Variants in WDR25 observed in about 807,000 individuals in gnomAD.
The protein encoded by WDR25 is WD repeat-containing protein 25.
Under a neutral mutation model 47.7 loss-of-function variants are expected in WDR25, and 35 were observed. The observed-to-expected ratio is 0.73, with a 90% CI of 0.56 to 0.97. The LOEUF is 0.97. Ranked by LOEUF, WDR25 falls within the 50% of genes least tolerant of loss-of-function variation. The pLI is 0.00. For synonymous variants in WDR25, 248 were observed against 278.9 expected (o/e 0.89, Z 1.10); for missense variants, 634 against 704.7 (o/e 0.90, Z 1.14).
At chr14:100,490,391 C>T (rs1044425955) in intron 4 of WDR25, among the ~76,000 whole-genome samples, 14 of 152,218 alleles carry the variant, frequency 9.2e-5, no homozygotes, top group African/African-American at 2.4e-4. Context: ...GCCAGTTGAA[C>T]GGAGGCTGAG....
At chr14:100,497,183 A>G (rs371877100) in intron 4 of WDR25, among the ~76,000 whole-genome samples, 89 of 152,310 alleles carry the variant, frequency 5.8e-4, no homozygotes, top group African/African-American at 2.1e-3. Flanking sequence ...TGAATGTTCC[A>G]TATGCTCCGT....
At chr14:100,474,616 C>G (rs1035750366) in intron 3 of WDR25, among the ~76,000 whole-genome samples, 2 of 152,174 alleles carry the variant, frequency 1.3e-5, no homozygotes, top group African/African-American at 4.8e-5. Context: ...AACCAACTTA[C>G]TAGTAAAGCA....
chr14:100,403,077 C>G (rs1383391363), intron 2 of WDR25, among the ~76,000 whole-genome samples: 1 of 152,180 alleles, frequency 6.6e-6, no homozygotes, highest in Non-Finnish European at 1.5e-5. Context: ...TAAATTTTCT[C>G]TTATGGATAG....
chr14:100,469,186 T>C (rs996450589), intron 3 of WDR25, among the ~76,000 whole-genome samples: 1 of 152,094 alleles, frequency 6.6e-6, no homozygotes, highest in Non-Finnish European at 1.5e-5. Context: ...TCCTAGGGTC[T>C]GGCAAGAAGG....
rs2030083617 is a variant in WDR25 at position 100,525,619 on chromosome 14, A to T, written c.1102-251A>T. On this transcript the variant is annotated intron_variant, in intron 4 of 6. Coordinates refer to ENST00000402312, the MANE Select transcript of WDR25 (RefSeq NM_001161476.3). The surrounding 1 kb of genome is among the most constrained non-coding windows in gnomAD (Gnocchi z 4.6). ...GGGATCCTGCTGCTCTCAAGGGGTG[A>T]TAGGGATGCCTCTCTGGACCCATGT... is the stretch of plus-strand genomic sequence containing the variant. Among the ~76,000 whole-genome samples the T allele has an allele frequency of 3.3e-5, 5 of 152,224 alleles. No homozygotes were observed. In the South Asian group the frequency reaches 1.0e-3, roughly 32 times the overall value.
chr14:100,459,951 T>TAC (rs1306058429), intron 2 of WDR25, among the ~76,000 whole-genome samples: 26 of 92,284 alleles, frequency 2.8e-4, no homozygotes, highest in African/African-American at 8.3e-4. Flanking sequence ...CACATACACA[T>TAC]ACACACACAT....
At chr14:100,453,923 A>G (rs973426759) in intron 2 of WDR25, among the ~76,000 whole-genome samples, 3 of 152,228 alleles carry the variant, frequency 2.0e-5, no homozygotes, top group African/African-American at 7.2e-5. Context: ...ATTTCTTGGA[A>G]TTCTCTGTAT....
At chr14:100,504,127 C>T (rs1287499926) in intron 4 of WDR25, among the ~76,000 whole-genome samples, 1 of 152,204 alleles carries the variant, frequency 6.6e-6, no homozygotes, top group Non-Finnish European at 1.5e-5. Flanking sequence ...TCCCAGACAT[C>T]CTGTCATTTT....
At chr14:100,470,824 G>A (rs558762892) in intron 3 of WDR25, among the ~76,000 whole-genome samples, 2 of 152,194 alleles carry the variant, frequency 1.3e-5, no homozygotes, top group Non-Finnish European at 2.9e-5. Context: ...GTGGTGTGTT[G>A]GGTGTGTAAA....
At chr14:100,388,639 G>A (rs1269671175) in intron 2 of WDR25, among the ~76,000 whole-genome samples, 1 of 152,152 alleles carries the variant, frequency 6.6e-6, no homozygotes, top group Non-Finnish European at 1.5e-5. Context: ...TGTGAAAGCC[G>A]CGACATTTCT....
At chr14:100,383,802 G>A (rs1254517094) in intron 2 of WDR25, among the ~76,000 whole-genome samples, 3 of 152,364 alleles carry the variant, frequency 2.0e-5, no homozygotes, top group South Asian at 2.1e-4. Context: ...GGGGAGAGAC[G>A]TTTCTGCCCC....
intron 2 of WDR25, among the ~76,000 whole-genome samples, chr14:100,451,845 C>T (rs1027325983): frequency 1.3e-5 from 2 of 152,210 alleles, no homozygotes; most frequent in Non-Finnish European, 2.9e-5. Context: ...TCTCTCATGA[C>T]TAAAGGATAC....
intron 2 of WDR25, among the ~76,000 whole-genome samples, chr14:100,433,696 T>C (rs538567221): frequency 6.6e-6 from 1 of 152,318 alleles, no homozygotes; most frequent in Non-Finnish European, 1.5e-5. Flanking sequence ...TTTGTATCCA[T>C]GTGGACTCAT....
chr14:100,452,258 C>T (rs1171288355), intron 2 of WDR25, among the ~76,000 whole-genome samples: 1 of 152,138 alleles, frequency 6.6e-6, no homozygotes, highest in Non-Finnish European at 1.5e-5. Flanking sequence ...CATTGGGCTT[C>T]TAGTATATGC....
At chr14:100,427,091 T>G (rs1898190527) in intron 2 of WDR25, among the ~76,000 whole-genome samples, 1 of 152,150 alleles carries the variant, frequency 6.6e-6, no homozygotes, top group Admixed American at 6.5e-5. Flanking sequence ...CCCTGCCACC[T>G]TGGGGCCCTC....
Position 100,525,871 on chromosome 14 carries a change from T to C in WDR25, c.1103T>C (p.Val368Ala), listed in dbSNP as rs2030100521. 6.2e-7 allele frequency: 1 copy of C among 1,613,140 alleles called. No homozygotes were observed. The change falls in exon 5 of 7, where the codon GTG (valine) becomes GCG (alanine). Residue 368 changes from valine to alanine, a missense_variant and splice_region_variant. Val to Ala is a moderately conservative substitution (Grantham distance 64, BLOSUM62 0). Coordinates refer to ENST00000402312, the MANE Select transcript of WDR25 (RefSeq NM_001161476.3). This position sits in a 1 kb window ranked among gnomAD's most constrained non-coding sequence, Gnocchi z 4.6. ...MKAWDIRTGK[V>A]MRSYKATIQQ... is the part of the protein sequence containing the mutation. The stretch of plus-strand genomic sequence containing the variant: ...CATGACCGGTGTCCGCTCTTGCAGG[T>C]GATGAGAAGCTACAAGGCGACCATC...
chr14:100,445,865 T>TG (rs1595095693), intron 2 of WDR25, among the ~76,000 whole-genome samples: 1 of 152,166 alleles, frequency 6.6e-6, no homozygotes, highest in Non-Finnish European at 1.5e-5. Flanking sequence ...CCACCACAGT[T>TG]GGAAGAAGTA....
chr14:100,529,592 G>C lies in WDR25; in HGVS notation c.1414-228G>C. ...CACTGAGGCCAGACCCCTCAGCTGGGCTGGAGCTGGTCCCGCTGGATCTGC... is the reference window on the plus strand; with the variant it reads ...CACTGAGGCCAGACCCCTCAGCTGGCCTGGAGCTGGTCCCGCTGGATCTGC... On this transcript the variant is annotated intron_variant, in intron 6 of 6. Transcript: ENST00000402312. This position sits in a 1 kb window ranked among gnomAD's most constrained non-coding sequence, Gnocchi z 5.1. 3.3e-6 allele frequency: 2 copies of C among 610,052 alleles called. No individual in the cohort carries two copies. Among genetic ancestry groups the C allele is most frequent in the Non-Finnish European group, 5.7e-6 (2 of 347,976 alleles). 37.8% of individuals were successfully genotyped at this position (610,052 alleles called of 1,614,324 possible). A position where few individuals can be genotyped will look rare whatever the true frequency, so the allele number is the denominator to read the frequency against.
rs1445092436 is a variant in WDR25 at position 100,523,376 on chromosome 14, C to T, written c.1102-2494C>T. ...TGAGCCCAGAGCAGTGCCTCCCCAC[C>T]CCCTGTCCTTCAGGTCTGGGTGCAG... On this transcript the variant is annotated intron_variant, in intron 4 of 6. Coordinates refer to ENST00000402312, the MANE Select transcript of WDR25 (RefSeq NM_001161476.3). This position sits in a 1 kb window ranked among gnomAD's most constrained non-coding sequence, Gnocchi z 4.7. 6.6e-6 allele frequency among the ~76,000 whole-genome samples: 1 copy of T among 152,142 alleles called. No homozygotes were observed. Among genetic ancestry groups the T allele is most frequent in the Non-Finnish European group, 1.5e-5 (1 of 68,014 alleles).
Sources: allele counts gnomAD v4.1 joint callset (sites outside exome capture counted in the v4.1 genomes callset), GRCh38; gene constraint gnomAD v4.1.1; non-coding constraint Gnocchi (gnomAD v3.1); transcripts MANE v1.5; gene names NCBI Gene and HGNC (gene_info 2026-07-23, HGNC 2026-07-21).